The following LOXHD1 variants were observed in gnomAD, a reference collection of about 807,000 sequenced individuals.
The protein encoded by LOXHD1 is lipoxygenase homology PLAT domains 1, also known as lipoxygenase homology domain-containing protein 1.
Under a neutral mutation model 248.2 loss-of-function variants are expected in LOXHD1, and 205 were observed. The ratio of observed to expected loss-of-function variants is 0.83; its 90% CI spans 0.74 to 0.93. The LOEUF (loss-of-function observed/expected upper bound fraction) is 0.93. LOXHD1 is among the 40% of genes least tolerant of loss of function. The pLI is 0.00. For synonymous variants in LOXHD1, 1,113 were observed against 1,162.8 expected, an observed-to-expected ratio of 0.96 and a Z score of 0.87; for missense variants, 2,930 against 2,971.6, an observed-to-expected ratio of 0.99 and a Z score of 0.33.
chr18:46,568,955 C>A (rs1172473301), intron 16 of LOXHD1, among the ~76,000 whole-genome samples: 1 of 152,208 alleles, frequency 6.6e-6, no homozygotes, highest in African/African-American at 2.4e-5. Flanking sequence ...TCTCCCAAGA[C>A]AGAATCTCTC....
chr18:46,503,798 TG>T (rs574240853), intron 37 of LOXHD1, among the ~76,000 whole-genome samples: 88 of 152,076 alleles, frequency 5.8e-4, no homozygotes, highest in African/African-American at 2.0e-3. Context: ...ACCCTGATAT[TG>T]GGGGGTGTAG....
intron 12 of LOXHD1, among the ~76,000 whole-genome samples, chr18:46,590,120 G>A (rs2038138270): frequency 6.6e-6 from 1 of 152,190 alleles, no homozygotes; most frequent in Non-Finnish European, 1.5e-5. Context: ...TAACACAGTG[G>A]TTCTCAAAGT....
Position 46,592,513 on chromosome 18 carries a change from T to C in LOXHD1, c.1503A>G (p.Gly501=). The change falls in exon 11 of 41, where the codon GGA becomes GGG. Residue 501 remains glycine, a synonymous_variant. Transcript: ENST00000642948. ...VWHDKRSSGS[G]WHLERMTLMN... is the part of the protein sequence containing the mutation. The stretch of plus-strand genomic sequence containing the variant: ...TGCATCTCACCCTTTCTAAATGCCA[T>C]CCAGAACCAGAACTCCTTTTATCAT... 1 of 1,551,562 alleles carries C rather than the reference T, an allele frequency of 6.4e-7. No individual in the cohort carries two copies.
chr18:46,590,058 G>C (rs985259416), intron 12 of LOXHD1, among the ~76,000 whole-genome samples: 2 of 152,184 alleles, frequency 1.3e-5, no homozygotes, highest in African/African-American at 2.4e-5. Flanking sequence ...CAAGTTTAGA[G>C]AACAACACAA....
At chr18:46,620,385 TCAGTCCA>T (rs1166873927) in intron 4 of LOXHD1, among the ~76,000 whole-genome samples, 2 of 152,126 alleles carry the variant, frequency 1.3e-5, no homozygotes, top group Non-Finnish European at 2.9e-5. Context: ...GAAGGTTGCA[TCAGTCCA>T]TTGGAAGGGG....
chr18:46,604,453 C>G (rs2038384513), intron 6 of LOXHD1, among the ~76,000 whole-genome samples: 1 of 152,214 alleles, frequency 6.6e-6, no homozygotes, highest in Non-Finnish European at 1.5e-5. Context: ...ACTTGAATTA[C>G]TGAGCCACCG....
chr18:46,646,533 C>G (rs982639595), intron 2 of LOXHD1, among the ~76,000 whole-genome samples: 1 of 152,162 alleles, frequency 6.6e-6, no homozygotes, highest in African/African-American at 2.4e-5. Flanking sequence ...TCTGTTGATA[C>G]GGTAAGTTGA....
intron 27 of LOXHD1, 27 bp from the exon 28 acceptor site, chr18:46,533,351 T>A (rs1241646787): frequency 1.1e-5 from 17 of 1,550,388 alleles, no homozygotes; most frequent in South Asian, 9.5e-5. Context: ...AAAGGAAAAT[T>A]AGCCCTTAAT....
chr18:46,561,566 A>G (rs986157529), intron 18 of LOXHD1, among the ~76,000 whole-genome samples: 1 of 152,164 alleles, frequency 6.6e-6, no homozygotes, highest in Non-Finnish European at 1.5e-5. Flanking sequence ...AGCCTGTCCC[A>G]CCAGTTCTTT....
intron 32 of LOXHD1, 107 bp from the exon 33 acceptor site, chr18:46,521,389 T>G (rs979007751): frequency 4.1e-5 from 52 of 1,281,298 alleles, no homozygotes; most frequent in Non-Finnish European, 5.6e-5. Flanking sequence ...GCTGTGCACT[T>G]GCTGGCCCAG....
At chr18:46,477,085 T>A (rs1568058601), downstream of LOXHD1, 4 of 703,210 alleles carry the variant, frequency 5.7e-6, no homozygotes, top group Non-Finnish European at 2.6e-6. Flanking sequence ...TTAGCCTAGC[T>A]TTTTTGGGGA....
chr18:46,610,404 C>T (rs910952704), intron 6 of LOXHD1, among the ~76,000 whole-genome samples: 4 of 91,826 alleles, frequency 4.4e-5, no homozygotes, highest in South Asian at 4.0e-4. Flanking sequence ...CTGTCGGGGG[C>T]TGGGGGGCTG....
intron 21 of LOXHD1, among the ~76,000 whole-genome samples, chr18:46,547,726 C>T (rs2036911578): frequency 6.6e-6 from 1 of 152,112 alleles, no homozygotes; most frequent in Non-Finnish European, 1.5e-5. Flanking sequence ...TTGGCTCTAC[C>T]ACTAATACTT....
At chr18:46,544,261 C>T (rs2144389150) in intron 23 of LOXHD1, among the ~76,000 whole-genome samples, 1 of 152,328 alleles carries the variant, frequency 6.6e-6, no homozygotes, top group South Asian at 2.1e-4. Flanking sequence ...GTTTCTGAGA[C>T]TTGGTTTTCC....
At chr18:46,533,669 A>G in intron 27 of LOXHD1, 1 of 333,340 alleles carries the variant, frequency 3.0e-6, no homozygotes, top group South Asian at 2.5e-5. Context: ...CATGCCTGTA[A>G]TCTCAGCACT....
Position 46,518,276 on chromosome 18 carries a change from G to A in LOXHD1, c.5272-20C>T, listed in dbSNP as rs2144087369. ...GAGAACCTGCCATGAGAGGAATGCA[G>A]GTGCTGAGTCTCAGCCTCACCCTCC... On this transcript the variant is annotated intron_variant, in intron 33 of 40. Coordinates refer to ENST00000642948, the MANE Select transcript of LOXHD1 (RefSeq NM_001384474.1). 5.8e-6 allele frequency: 9 copies of A among 1,549,532 alleles called. No homozygotes were observed. Among genetic ancestry groups the A allele is most frequent in the Non-Finnish European group, 7.9e-6 (9 of 1,145,146 alleles).
intron 2 of LOXHD1, 26 bp downstream of exon 2, chr18:46,649,129 C>T (rs2039074006): frequency 2.6e-6 from 4 of 1,531,336 alleles, no homozygotes; most frequent in Non-Finnish European, 3.5e-6. Context: ...GGCCCAGGAT[C>T]CCACCAAGGC....
chr18:46,561,261 C>T (rs1294141602), intron 18 of LOXHD1, among the ~76,000 whole-genome samples: 1 of 152,096 alleles, frequency 6.6e-6, no homozygotes, highest in Non-Finnish European at 1.5e-5. Flanking sequence ...CTGGTCTCTG[C>T]CCTCTTGATT....
chr18:46,534,486 G>A, intron 26 of LOXHD1, 35 bp from the exon 27 acceptor site: 2 of 1,490,534 alleles, frequency 1.3e-6, no homozygotes, highest in African/African-American at 2.8e-5. Flanking sequence ...AATGTTAGCT[G>A]AAAGATCCAG....
Sources: allele counts gnomAD v4.1 joint callset (sites outside exome capture counted in the v4.1 genomes callset), GRCh38; gene constraint gnomAD v4.1.1; transcripts MANE v1.5; gene names NCBI Gene and HGNC (gene_info 2026-07-23, HGNC 2026-07-21).